The following CFAP119 variants were observed in gnomAD, a reference collection of about 807,000 sequenced individuals.
CFAP119 encodes cilia and flagella associated protein 119.
At chr16:30,759,062 G>T in the CFAP119 span, 1 of 1,614,204 alleles carries the variant, frequency 6.2e-7, no homozygotes. Flanking sequence ...TTTCTGCGGG[G>T]TAACTGCCTG....
chr16:30,757,888 C>G, the CFAP119 span: 1 of 1,224,504 alleles, frequency 8.2e-7, no homozygotes, highest in Non-Finnish European at 1.1e-6. Flanking sequence ...AGCTGTGTGA[C>G]CTTAGGCAGG....
the CFAP119 span, chr16:30,760,713 A>G: frequency 1.3e-6 from 2 of 1,531,342 alleles, no homozygotes; most frequent in Non-Finnish European, 8.9e-7. Context: ...GTTACCTATC[A>G]TGACAAGGCT....
chr16:30,761,244 C>T, the CFAP119 span: 2 of 1,613,680 alleles, frequency 1.2e-6, no homozygotes, highest in Non-Finnish European at 1.7e-6. Context: ...GGAAAGAAAG[C>T]GAATTGGGGA....
At chr16:30,759,391 T>A in the CFAP119 span, 1 of 1,614,212 alleles carries the variant, frequency 6.2e-7, no homozygotes. Context: ...GAAGTAAGTG[T>A]TGACCACGTA....
the CFAP119 span, chr16:30,761,417 C>T: frequency 7.0e-7 from 1 of 1,423,120 alleles, no homozygotes; most frequent in African/African-American, 1.4e-5. Context: ...GGGTCACACA[C>T]CCCTGCCTCT....
At chr16:30,759,775 A>G in the CFAP119 span, 1 of 1,558,078 alleles carries the variant, frequency 6.4e-7, no homozygotes, top group Non-Finnish European at 8.7e-7. Flanking sequence ...GTATCCATTC[A>G]TTCACTTCAC....
At chr16:30,761,389 C>A in the CFAP119 span, 3 of 1,370,830 alleles carry the variant, frequency 2.2e-6, no homozygotes, top group Non-Finnish European at 2.1e-6. Flanking sequence ...GTGCTCTACG[C>A]GAGCACAGTA....
the CFAP119 span, chr16:30,761,480 G>A: frequency 6.5e-7 from 1 of 1,527,596 alleles, no homozygotes; most frequent in African/African-American, 1.4e-5. Flanking sequence ...CATAATGACA[G>A]GTGGCGCCTG....
the CFAP119 span, chr16:30,761,633 GC>G: frequency 6.5e-7 from 1 of 1,536,080 alleles, no homozygotes; most frequent in South Asian, 1.2e-5. Flanking sequence ...CGTCCGCGCG[GC>G]CGACCCATGC....
the CFAP119 span, chr16:30,759,708 G>A: frequency 3.1e-6 from 5 of 1,612,148 alleles, no homozygotes; most frequent in Non-Finnish European, 3.4e-6. Flanking sequence ...ACTCCTCCAC[G>A]TTGCCCAAGG....
At chr16:30,761,204 C>T in the CFAP119 span, 1 of 1,614,018 alleles carries the variant, frequency 6.2e-7, no homozygotes, top group Non-Finnish European at 8.5e-7. Context: ...TCACCACATG[C>T]AGATCCGGGG....
chr16:30,757,907 CCTAT>C, the CFAP119 span: 24 of 945,872 alleles, frequency 2.5e-5, no homozygotes, highest in Admixed American at 4.7e-4. Flanking sequence ...GGTTATTTAA[CCTAT>C]CTGTGCCTCA....
chr16:30,761,250 G>A, the CFAP119 span: 1 of 1,613,622 alleles, frequency 6.2e-7, no homozygotes, highest in Non-Finnish European at 8.5e-7. Context: ...AAAGCGAATT[G>A]GGGAAGGCAG....
chr16:30,757,607 C>G, the CFAP119 span: 1 of 1,614,182 alleles, frequency 6.2e-7, no homozygotes, highest in Non-Finnish European at 8.5e-7. Context: ...TGCTCCAGCT[C>G]TTTGTTCACT....
At chr16:30,760,083 G>A in the CFAP119 span, 1 of 1,536,730 alleles carries the variant, frequency 6.5e-7, no homozygotes, top group Non-Finnish European at 8.7e-7. Flanking sequence ...TCTCAGAACA[G>A]TCCTGTAAAA....
chr16:30,758,895 CATTTAGAGAAAGG>C, the CFAP119 span: 13 of 1,498,548 alleles, frequency 8.7e-6, no homozygotes, highest in African/African-American at 1.4e-5. Flanking sequence ...CATAAGGGAT[CATTTAGAGAAAGG>C]ACTCTGACTA....
At chr16:30,761,831 C>T in the CFAP119 span, 2 of 1,324,604 alleles carry the variant, frequency 1.5e-6, no homozygotes, top group Non-Finnish European at 2.0e-6. Context: ...CGGCGGCTAC[C>T]AAGGCCGGGC....
chr16:30,761,609 C>G, the CFAP119 span: 2 of 1,536,180 alleles, frequency 1.3e-6, no homozygotes, highest in South Asian at 2.4e-5. Context: ...CCACTGAGTC[C>G]GCACACTCGC....
chr16:30,761,928 C>G, the CFAP119 span: 1 of 637,616 alleles, frequency 1.6e-6, no homozygotes, highest in Non-Finnish European at 2.6e-6. Flanking sequence ...TCAACGGCGA[C>G]GGTTGCCAAG....
Sources: gnomAD v4.1 joint callset for allele counts on GRCh38, gnomAD v4.1.1 for gene constraint, MANE v1.5 for transcripts, NCBI Gene and HGNC (gene_info 2026-07-23, HGNC 2026-07-21) for gene names.